DNAJB11: variants seen among roughly 807,000 people sequenced by gnomAD.
The protein encoded by DNAJB11 is DnaJ heat shock protein family (Hsp40) member B11, also known as dnaJ homolog subfamily B member 11.
In DNAJB11, 30 loss-of-function variants were observed where a neutral mutation model predicts 47.2. The ratio of observed to expected loss-of-function variants is 0.64; its 90% CI spans 0.48 to 0.86. The LOEUF (loss-of-function observed/expected upper bound fraction) is 0.86. Among genes scored for constraint, DNAJB11 ranks in the 40% least tolerant of loss-of-function variants. The pLI is 0.00. For missense variants in DNAJB11, 357 were observed against 440.2 expected, an observed-to-expected ratio of 0.81 and a Z score of 1.69; for synonymous variants, 151 against 159.9, an observed-to-expected ratio of 0.94 and a Z score of 0.42.
At chr3:186,584,759 T>C (rs1036963026) in intron 9 of DNAJB11, among the ~76,000 whole-genome samples, 170 bp downstream of exon 9, 2 of 152,152 alleles carry the variant, frequency 1.3e-5, no homozygotes, top group Non-Finnish European at 2.9e-5. Flanking sequence ...AAAGGCGATA[T>C]ATTAAAAATC....
At chr3:186,582,619 C>T in intron 6 of DNAJB11, 97 bp from the exon 7 acceptor site, 1 of 994,312 alleles carries the variant, frequency 1.0e-6, no homozygotes, top group Middle Eastern at 3.1e-4. Context: ...CAGGTCAATG[C>T]CCAAAGTAGT....
intron 9 of DNAJB11, among the ~76,000 whole-genome samples, chr3:186,584,955 A>AAG (rs1457520691): frequency 6.6e-6 from 1 of 152,174 alleles, no homozygotes; most frequent in Admixed American, 6.6e-5. Flanking sequence ...ACTGGTTGAG[A>AAG]AGAGGGCCCC....
At chr3:186,581,212 A>G (rs1478451301) in intron 4 of DNAJB11, 159 bp from the exon 5 acceptor site, 3 of 731,356 alleles carry the variant, frequency 4.1e-6, no homozygotes, top group African/African-American at 1.8e-5. Flanking sequence ...GCTGATTTGT[A>G]CTCTTCAAAG....
chr3:186,581,497 G>C lies in DNAJB11; in HGVS notation c.583G>C (p.Glu195Gln), dbSNP rs1291035657. ...AATGACCCAGGAGGTGGTCTGCGAC[G>C]AATGCCCTAATGTCAAGTAAGTGAA... ...FQMTQEVVCD[E>Q]CPNVKLVNEE... The change falls in exon 5 of 10, where the codon GAA becomes CAA. Residue 195 changes from glutamate to glutamine, a missense_variant. Coordinates refer to ENST00000265028, the MANE Select transcript of DNAJB11 (RefSeq NM_016306.6). 31 of 1,612,938 alleles carry C rather than the reference G, an allele frequency of 1.9e-5. No individual in the cohort carries two copies. The highest frequency in any genetic ancestry group is 2.6e-5 in the Non-Finnish European group (31 of 1,179,682).
intron 3 of DNAJB11, among the ~76,000 whole-genome samples, chr3:186,577,284 T>G (rs1027336169): frequency 6.6e-6 from 1 of 152,224 alleles, no homozygotes; most frequent in East Asian, 1.9e-4. Flanking sequence ...TTACACAAGT[T>G]TATGTATACT....
chr3:186,582,180 A>G lies in DNAJB11; in HGVS notation c.682+103A>G, dbSNP rs969087434. Reference sequence around the variant, plus strand: ...CCTTACTCCATCTTAATGTTCACATAGTAAACGCATATATAATTTCCAACA... The same window carrying G: ...CCTTACTCCATCTTAATGTTCACATGGTAAACGCATATATAATTTCCAACA... On this transcript the variant is annotated intron_variant, in intron 6 of 9. Coordinates refer to ENST00000265028, the MANE Select transcript of DNAJB11 (RefSeq NM_016306.6). The G allele has an allele frequency of 2.3e-5, 20 of 857,018 alleles. No homozygotes were observed. The Admixed American group carries it at 3.4e-4, about 15-fold the overall frequency. 53.1% of individuals were successfully genotyped at this position (857,018 alleles called of 1,614,324 possible).
chr3:186,578,854 T>A (rs537590794), intron 4 of DNAJB11: 4 of 152,266 alleles, frequency 2.6e-5, no homozygotes, highest in Admixed American at 2.0e-4. Flanking sequence ...AACTAATTAA[T>A]GTAATTAAAT....
At position 186,585,521 on chromosome 3, in the gene DNAJB11, A is replaced by AT. The variant is rs879531661; in HGVS notation, c.*120dup. 8 of 660,652 alleles carry AT rather than the reference A, an allele frequency of 1.2e-5. No homozygotes were observed. The highest frequency in any genetic ancestry group is 7.6e-5 in the African/African-American group (4 of 52,852). 40.9% of individuals were successfully genotyped at this position (660,652 alleles called of 1,614,324 possible). ...ATTTTCAATATGCAAGTTAGGCTTAATTTTTTTATCTAATGATCATCATGA... is the reference window on the plus strand; with the variant it reads ...ATTTTCAATATGCAAGTTAGGCTTAATTTTTTTTATCTAATGATCATCATGA... On this transcript the variant is annotated 3_prime_UTR_variant, in exon 10 of 10. Coordinates refer to ENST00000265028, the MANE Select transcript of DNAJB11 (RefSeq NM_016306.6).
chr3:186,577,526 C>T, intron 3 of DNAJB11, 142 bp from the exon 4 acceptor site: 1 of 708,894 alleles, frequency 1.4e-6, no homozygotes, highest in Non-Finnish European at 2.2e-6. Flanking sequence ...TAGTTGACTC[C>T]ATTGTATTAA....
At chr3:186,575,743 G>A in intron 2 of DNAJB11, 97 bp from the exon 3 acceptor site, 2 of 868,656 alleles carry the variant, frequency 2.3e-6, no homozygotes, top group South Asian at 3.2e-5. Context: ...TAAAATTTTA[G>A]ACCCACTGTC....
chr3:186,582,875 T>C, intron 7 of DNAJB11, 102 bp downstream of exon 7: 1 of 859,994 alleles, frequency 1.2e-6, no homozygotes, highest in Non-Finnish European at 1.9e-6. Context: ...CTTACCCTTA[T>C]TACCCTAAAC....
intron 2 of DNAJB11, among the ~76,000 whole-genome samples, chr3:186,573,406 A>G (rs1332694156): frequency 1.3e-5 from 2 of 151,560 alleles, no homozygotes; most frequent in African/African-American, 4.9e-5. Flanking sequence ...TTTTTTTGAG[A>G]CAGAGTCTCG....
chr3:186,576,021 C>A, intron 3 of DNAJB11, 84 bp downstream of exon 3: 1 of 1,021,342 alleles, frequency 9.8e-7, no homozygotes, highest in South Asian at 1.4e-5. Context: ...TTCCCTAGTT[C>A]AGAAACTTTT....
In DNAJB11 at chr3:186,570,745, G is replaced by A. The variant is rs917862773; in HGVS notation, c.-153G>A. 68 of 684,608 alleles carry A rather than the reference G, an allele frequency of 9.9e-5. No homozygotes were observed. The African/African-American group carries it at 1.2e-3, about 12-fold the overall frequency. The allele number at this position is 684,608 out of a possible 1,614,324, so 42.4% of individuals were successfully genotyped here. ...ACTCCCGGGAAGTGGACCGGCAGAA[G>A]AGGGGGCTAGCTAGCTGTCTCTGCG... On this transcript the variant is annotated 5_prime_UTR_variant, in exon 1 of 10. Transcript: ENST00000265028.
chr3:186,585,575 C>T lies in DNAJB11; in HGVS notation c.*167C>T, dbSNP rs1279092252. 1.1e-5 allele frequency: 5 copies of T among 455,000 alleles called. No individual in the cohort carries two copies. Among genetic ancestry groups the T allele is most frequent in the Non-Finnish European group, 2.0e-5 (5 of 255,072 alleles). 28.2% of individuals were successfully genotyped at this position (455,000 alleles called of 1,614,324 possible). ...GAATAAGAGGGCTTAAGAATTTGTC[C>T]ATTTGCATTCGGAAAAGAATGACCA... On this transcript the variant is annotated 3_prime_UTR_variant, in exon 10 of 10. Coordinates refer to ENST00000265028, the MANE Select transcript of DNAJB11 (RefSeq NM_016306.6).
Position 186,571,068 on chromosome 3 carries a change from AG to A in DNAJB11, c.68+107del, listed in dbSNP as rs563313084. 2.7e-4 allele frequency: 287 copies of A among 1,056,446 alleles called. 1 individual carries two copies. In the African/African-American group the frequency reaches 4.3e-3, roughly 16 times the overall value. 65.4% of individuals were successfully genotyped at this position (1,056,446 alleles called of 1,614,324 possible). On this transcript the variant is annotated intron_variant, in intron 1 of 9. Coordinates refer to ENST00000265028, the MANE Select transcript of DNAJB11 (RefSeq NM_016306.6). ...GCATTGCCAGACTGACGGAGTGGAGAGGGGCATCGCTGTGGGTTGGCGGGGT... is the reference window on the plus strand; with the variant it reads ...GCATTGCCAGACTGACGGAGTGGAGAGGGCATCGCTGTGGGTTGGCGGGGT...
chr3:186,570,796 C>T lies in DNAJB11; in HGVS notation c.-102C>T. On this transcript the variant is annotated 5_prime_UTR_variant, in exon 1 of 10. Coordinates refer to ENST00000265028, the MANE Select transcript of DNAJB11 (RefSeq NM_016306.6). The stretch of plus-strand genomic sequence containing the variant: ...GACCAAGGAGACCCCCGCGCCCCCC[C>T]GGTGTGAGGCGGCCTCACAGGGCCG... The T allele has an allele frequency of 1.8e-6, 2 of 1,089,798 alleles. No individual in the cohort carries two copies. The highest frequency in any genetic ancestry group is 2.7e-5 in the East Asian group (1 of 36,418). 67.5% of individuals were successfully genotyped at this position (1,089,798 alleles called of 1,614,324 possible).
intron 4 of DNAJB11, chr3:186,579,141 CT>C (rs1332208999): frequency 6.6e-6 from 1 of 152,200 alleles, no homozygotes; most frequent in African/African-American, 2.4e-5. Flanking sequence ...CCTATATTTT[CT>C]GCTAAAACTC....
Position 186,572,154 on chromosome 3 carries a change from A to G in DNAJB11, c.128A>G (p.Lys43Arg). Residue 43 changes from lysine to arginine, a missense_variant, in exon 2 of 10, where the codon AAG becomes AGG. Coordinates refer to ENST00000265028, the MANE Select transcript of DNAJB11 (RefSeq NM_016306.6). ...AGTGCCTCTATAAAGGATATTAAAAAGGCCTATAGGAAACTAGCCCTGCAG... is the reference window on the plus strand; with the variant it reads ...AGTGCCTCTATAAAGGATATTAAAAGGGCCTATAGGAAACTAGCCCTGCAG... Reference protein sequence around the residue: ...PRSASIKDIKKAYRKLALQLH... With the variant: ...PRSASIKDIKRAYRKLALQLH... 2.5e-6 allele frequency: 4 copies of G among 1,612,634 alleles called. No homozygotes were observed. Among genetic ancestry groups the G allele is most frequent in the Non-Finnish European group, 3.4e-6 (4 of 1,179,420 alleles).
Sources: gnomAD v4.1 joint callset for allele counts (sites outside exome capture counted in the v4.1 genomes callset) on GRCh38, gnomAD v4.1.1 for gene constraint, MANE v1.5 for transcripts, NCBI Gene and HGNC (gene_info 2026-07-23, HGNC 2026-07-21) for gene names.